The following MYO15B variants were observed in gnomAD, a reference collection of about 807,000 sequenced individuals.
MYO15B encodes myosin XVB pseudogene.
In MYO15B, 207 loss-of-function variants were observed where a neutral mutation model predicts 119.3. That is an observed-to-expected ratio of 1.73 (90% CI 1.55 to 1.95). The LOEUF (loss-of-function observed/expected upper bound fraction) is 1.95, where lower values mean the gene tolerates loss of function less well. Ranked by LOEUF, MYO15B falls within the 30% of genes most tolerant of loss-of-function variation. The pLI is 0.00. For synonymous variants in MYO15B, 966 were observed against 498.9 expected (o/e 1.94, Z -12.48); for missense variants, 2,264 against 1,203.1 (o/e 1.88, Z -13.04).
intron 21 of MYO15B, among the ~76,000 whole-genome samples, chr17:75,608,090 G>T (rs1193975168): frequency 6.6e-6 from 1 of 152,134 alleles, no homozygotes; most frequent in East Asian, 1.9e-4. Context: ...AGAAATGTCT[G>T]TTTCTCCTCT....
chr17:75,605,653 A>T lies in MYO15B; in HGVS notation c.4134+32A>T, dbSNP rs1481245244. The stretch of plus-strand genomic sequence containing the variant: ...GTGTGTATCCCTGTGTGCAGAGGGC[A>T]GCATGAATGGGAAAGGAGAGGTGCA... On this transcript the variant is annotated intron_variant, in intron 20 of 63. Coordinates refer to ENST00000645453, the Ensembl canonical transcript of MYO15B. 5.7e-6 allele frequency: 4 copies of T among 701,622 alleles called. No homozygotes were observed. The East Asian group carries it at 8.1e-5, about 14-fold the overall frequency. The allele number at this position is 701,622 out of a possible 1,614,324, so 43.5% of individuals were successfully genotyped here. A position where few individuals can be genotyped will look rare whatever the true frequency, so the allele number is the denominator to read the frequency against.
chr17:75,601,752 T>C (rs2057300064), intron 15 of MYO15B, among the ~76,000 whole-genome samples, 189 bp downstream of exon 15: 1 of 152,198 alleles, frequency 6.6e-6, no homozygotes, highest in South Asian at 2.1e-4. Context: ...GTGACAATTA[T>C]GGGGTCAGGG....
chr17:75,589,059 G>A lies in MYO15B; in HGVS notation c.1002G>A (p.Leu334=). 1 of 396,176 alleles carries A rather than the reference G, an allele frequency of 2.5e-6. No individual in the cohort carries two copies. The highest frequency in any genetic ancestry group is 4.5e-6 in the Non-Finnish European group (1 of 224,416). 24.5% of individuals were successfully genotyped at this position (396,176 alleles called of 1,614,324 possible). Residue 334 remains leucine, a synonymous_variant, in exon 1 of 64, where the codon CTG becomes CTA. Transcript: ENST00000645453. This position sits in a 1 kb window ranked among gnomAD's most constrained non-coding sequence, Gnocchi z 4.2. ...CGGGGCCGGAGGACCCAGCCCCGCT[G>A]GCGGCCCTCCTGGTGGTCCGCAGGC...
At position 75,589,802 on chromosome 17, in the gene MYO15B, TG is replaced by T. The variant is rs1192198131; in HGVS notation, c.1752del (p.His585ThrfsTer92). The T allele has an allele frequency of 7.5e-5, 23 of 305,236 alleles. No individual in the cohort carries two copies. Among genetic ancestry groups the T allele is most frequent in the Non-Finnish European group, 1.3e-4 (23 of 175,778 alleles). 18.9% of individuals were successfully genotyped at this position (305,236 alleles called of 1,614,324 possible). A position where few individuals can be genotyped will look rare whatever the true frequency, so the allele number is the denominator to read the frequency against. On this transcript the variant is annotated frameshift_variant, in exon 1 of 64. Coordinates refer to ENST00000645453, the Ensembl canonical transcript of MYO15B. LOFTEE classifies it high-confidence loss of function. This position sits in a 1 kb window ranked among gnomAD's most constrained non-coding sequence, Gnocchi z 4.2. ...GGCCGAGGTTGGCCTCGTGCAGGGGTGGGGGGGCACAGTGAGGGGTGCAGGA... is the reference window on the plus strand; with the variant it reads ...GGCCGAGGTTGGCCTCGTGCAGGGGTGGGGGGCACAGTGAGGGGTGCAGGA...
At chr17:75,605,458 A>C (rs1420385622) in intron 19 of MYO15B, 46 bp from the exon 20 acceptor site, 1 of 662,482 alleles carries the variant, frequency 1.5e-6, no homozygotes, top group Non-Finnish European at 2.7e-6. Flanking sequence ...AAAAAGTGTA[A>C]AAGGAGGTTC....
At chr17:75,591,477 C>A in intron 4 of MYO15B, 124 bp from the exon 5 acceptor site, 1 of 650,080 alleles carries the variant, frequency 1.5e-6, no homozygotes, top group Non-Finnish European at 2.8e-6. Context: ...GACTATCTTT[C>A]CACATTTATG....
At chr17:75,588,425 G>A in exon 1 of MYO15B, 1 of 398,458 alleles carries the variant, frequency 2.5e-6, no homozygotes, top group East Asian at 3.6e-5. Context: ...GAGCTGGGCG[G>A]CCGCCGTAGG....
exon 8 of MYO15B, chr17:75,592,466 G>T (rs1405866186): frequency 4.9e-6 from 3 of 612,158 alleles, no homozygotes; most frequent in Non-Finnish European, 5.8e-6. Flanking sequence ...TTTACAAGCT[G>T]CTGGCAGGGC....
chr17:75,611,290 C>G (rs113680382), intron 23 of MYO15B, among the ~76,000 whole-genome samples: 2,634 of 151,940 alleles, frequency 0.017, 37 homozygotes, highest in Non-Finnish European at 0.029. Context: ...GACAAGACCC[C>G]ATCTCTACAA....
At chr17:75,615,935 GGGGCAGGGGACAT>G (rs533412982) in intron 36 of MYO15B, 51 bp downstream of exon 36, 2 of 619,476 alleles carry the variant, frequency 3.2e-6, no homozygotes, top group African/African-American at 1.8e-5. Context: ...GGGGACTGCA[GGGGCAGGGGACAT>G]GGGCAGGGTG....
exon 56 of MYO15B, chr17:75,624,267 C>T (rs1271780959): frequency 2.8e-6 from 2 of 702,830 alleles, no homozygotes; most frequent in African/African-American, 1.7e-5. Context: ...GAAGGCTTTC[C>T]TGGTACTGGG....
chr17:75,606,421 TC>T (rs2057654431), intron 21 of MYO15B, among the ~76,000 whole-genome samples: 1 of 151,958 alleles, frequency 6.6e-6, no homozygotes, highest in African/African-American at 2.4e-5. Context: ...TTCAAGTGAT[TC>T]GCCTGCCTCA....
intron 9 of MYO15B, among the ~76,000 whole-genome samples, chr17:75,594,227 C>T (rs1369758536): frequency 6.6e-6 from 1 of 152,138 alleles, no homozygotes; most frequent in East Asian, 1.9e-4. Context: ...TCCCCTTTAG[C>T]AGTGAGGCCG....
intron 5 of MYO15B, 75 bp downstream of exon 5, chr17:75,591,787 C>A: frequency 1.4e-6 from 1 of 699,914 alleles, no homozygotes; most frequent in Middle Eastern, 2.3e-4. Context: ...CTGACCATGT[C>A]CAAGGGACTA....
At chr17:75,606,000 G>A (rs8068464) in exon 21 of MYO15B, 302,161 of 699,500 alleles carry the variant, frequency 0.43, 68,206 homozygotes, top group Non-Finnish European at 0.49. Context: ...ATGCAGGCTC[G>A]CATGCGTGGG....
chr17:75,597,522 T>C (rs984565945), intron 14 of MYO15B, among the ~76,000 whole-genome samples: 3 of 152,238 alleles, frequency 2.0e-5, no homozygotes, highest in African/African-American at 7.2e-5. Flanking sequence ...AATGAATGAA[T>C]GAATAACTGT....
At chr17:75,590,918 G>C in exon 3 of MYO15B, 1 of 494,658 alleles carries the variant, frequency 2.0e-6, no homozygotes, top group Non-Finnish European at 3.7e-6. Flanking sequence ...CCTTTGGGGG[G>C]CCTGTCTTGC....
intron 21 of MYO15B, among the ~76,000 whole-genome samples, chr17:75,606,399 C>T (rs2057652206): frequency 6.6e-6 from 1 of 152,010 alleles, no homozygotes; most frequent in Non-Finnish European, 1.5e-5. Context: ...ACTGCAACCT[C>T]TGCCCCCTGG....
intron 9 of MYO15B, 87 bp downstream of exon 9, chr17:75,592,927 G>C (rs1477633582): frequency 1.5e-6 from 1 of 646,184 alleles, no homozygotes; most frequent in African/African-American, 1.8e-5. Context: ...CTGGTGTGTA[G>C]GAGACTACAG....
Sources: gnomAD v4.1 joint callset for allele counts (sites outside exome capture counted in the v4.1 genomes callset) on GRCh38, gnomAD v4.1.1 for gene constraint, Gnocchi (gnomAD v3.1) non-coding constraint, MANE v1.5 for transcripts, NCBI Gene and HGNC (gene_info 2026-07-23, HGNC 2026-07-21) for gene names.